Variants in DCDC2B observed in about 807,000 individuals in gnomAD.
DCDC2B encodes the protein doublecortin domain-containing protein 2B.
Under a neutral mutation model 38.9 loss-of-function variants are expected in DCDC2B, and 41 were observed. The ratio of observed to expected loss-of-function variants is 1.05; its 90% CI spans 0.82 to 1.37. The LOEUF is 1.37. Ranked by LOEUF, DCDC2B falls within the 40% of genes most tolerant of loss-of-function variation. The pLI, the probability that DCDC2B is intolerant of heterozygous loss-of-function variation, is 0.00. For synonymous variants in DCDC2B, 181 were observed against 171.9 expected, an observed-to-expected ratio of 1.05 and a Z score of -0.41; for missense variants, 453 against 427.2, an observed-to-expected ratio of 1.06 and a Z score of -0.53.
chr1:32,212,887 C>A lies in DCDC2B; in HGVS notation c.714+94C>A, dbSNP rs190561392. The A allele has an allele frequency of 9.4e-4, 1,333 of 1,410,888 alleles. 10 individuals carry two copies. The African/African-American group carries it at 0.017, about 19-fold the overall frequency. The allele number at this position is 1,410,888 out of a possible 1,614,324, so 87.4% of individuals were successfully genotyped here. On this transcript the variant is annotated intron_variant, in intron 6 of 8. Coordinates refer to ENST00000409358, the MANE Select transcript of DCDC2B (RefSeq NM_001099434.2). ...AGGCTCTGACCTTATTTCACTGCAT[C>A]CTCTCTTTTTTCTTTTTCTTTGAGA...
intron 6 of DCDC2B, 198 bp from the exon 7 acceptor site, chr1:32,214,599 C>A: frequency 3.1e-6 from 2 of 653,934 alleles, no homozygotes; most frequent in East Asian, 2.9e-5. Context: ...GAGTGCCAGG[C>A]ATCTACTGCT....
rs1377240664 is a variant in DCDC2B, at chr1:32,215,620, G to A, written c.954+77G>A. The A allele has an allele frequency of 5.8e-6, 8 of 1,367,692 alleles. No homozygotes were observed. The South Asian group carries it at 8.9e-5, about 15-fold the overall frequency. The allele number at this position is 1,367,692 out of a possible 1,614,324, so 84.7% of individuals were successfully genotyped here. A position where few individuals can be genotyped will look rare whatever the true frequency, so the allele number is the denominator to read the frequency against. On this transcript the variant is annotated intron_variant, in intron 8 of 8. Transcript: ENST00000409358. Reference sequence around the variant, plus strand: ...TGGAAACTGGCAGCCTTGGGCCCCAGGAACAGTTCTCCTCCCTTGTGATTG... The same window carrying A: ...TGGAAACTGGCAGCCTTGGGCCCCAAGAACAGTTCTCCTCCCTTGTGATTG...
chr1:32,209,090 C>T lies in DCDC2B; in HGVS notation c.-4C>T, dbSNP rs1643473747. 6.2e-7 allele frequency: 1 copy of T among 1,613,090 alleles called. No individual in the cohort carries two copies. The highest frequency in any genetic ancestry group is 1.3e-5 in the African/African-American group (1 of 74,922). On this transcript the variant is annotated 5_prime_UTR_variant, in exon 1 of 9. Coordinates refer to ENST00000409358, the MANE Select transcript of DCDC2B (RefSeq NM_001099434.2). ...AGGTCTGTTTCTCTGACTGAGGATA[C>T]ACTATGGCAGGTGGCAGTCCAGCAG...
At chr1:32,214,673 G>A (rs762267329) in intron 6 of DCDC2B, 124 bp from the exon 7 acceptor site, 121 of 1,400,732 alleles carry the variant, frequency 8.6e-5, no homozygotes, top group Non-Finnish European at 1.1e-4. Flanking sequence ...ACTTTGTGAA[G>A]ACAGACGGTG....
chr1:32,209,127 G>A lies in DCDC2B; in HGVS notation c.34G>A (p.Val12Met). 3.1e-6 allele frequency: 5 copies of A among 1,613,988 alleles called. No individual in the cohort carries two copies. Among genetic ancestry groups the A allele is most frequent in the Admixed American group, 1.7e-5 (1 of 60,024 alleles). Residue 12 changes from valine (V) to methionine (M), a missense_variant, in exon 1 of 9, where the codon GTG (valine) becomes ATG (methionine). Physicochemically the swap from Val to Met is conservative, Grantham distance 21. Coordinates refer to ENST00000409358, the MANE Select transcript of DCDC2B (RefSeq NM_001099434.2). The part of the protein sequence containing the change: ...AGGSPAAKRV[V>M]VYRNGDPFFP... Reference sequence around the variant, plus strand: ...TGGCAGTCCAGCAGCCAAGAGGGTAGTGGTGTACCGGAATGGGGACCCATT... The same window carrying A: ...TGGCAGTCCAGCAGCCAAGAGGGTAATGGTGTACCGGAATGGGGACCCATT...
At position 32,215,844 on chromosome 1, in the gene DCDC2B, C is replaced by G; in HGVS notation, c.997C>G (p.Gln333Glu). ...IVEEALSLEN[Q>E]PGAGAAISAS... The stretch of plus-strand genomic sequence containing the variant: ...GGAAGAGGCCTTGTCCCTGGAAAAC[C>G]AGCCTGGGGCTGGGGCTGCTATCTC... Residue 333 changes from glutamine (Q) to glutamate (E), a missense_variant, in exon 9 of 9, where the codon CAG (glutamine) becomes GAG (glutamate). Coordinates refer to ENST00000409358, the MANE Select transcript of DCDC2B (RefSeq NM_001099434.2). 6.4e-7 allele frequency: 1 copy of G among 1,553,176 alleles called. No individual in the cohort carries two copies. The highest frequency in any genetic ancestry group is 1.2e-5 in the South Asian group (1 of 84,128).
At position 32,210,325 on chromosome 1, in the gene DCDC2B, T is replaced by TAA. The variant is rs905848009; in HGVS notation, c.267-925_267-924dup. On this transcript the variant is annotated intron_variant, in intron 1 of 8. Transcript: ENST00000409358. The stretch of plus-strand genomic sequence containing the variant: ...TGGGCAATAAGAGTGAAACTCCATC[T>TAA]AAAAAAAAAAAAAAAAAAAAAAATC... Among the ~76,000 whole-genome samples the TAA allele has an allele frequency of 1.4e-3, 110 of 78,728 alleles. 2 individuals carry two copies. The highest frequency in any genetic ancestry group is 4.8e-3 in the South Asian group (11 of 2,274). 51.6% of individuals were successfully genotyped at this position (78,728 alleles called of 152,430 possible). A position where few individuals can be genotyped will look rare whatever the true frequency, so the allele number is the denominator to read the frequency against.
intron 3 of DCDC2B, 25 bp from the exon 4 acceptor site, chr1:32,212,045 C>T (rs1216620558): frequency 3.7e-6 from 6 of 1,605,108 alleles, no homozygotes; most frequent in Non-Finnish European, 4.3e-6. Flanking sequence ...GGGGACACTC[C>T]CCCTTACCAG....
At position 32,215,499 on chromosome 1, in the gene DCDC2B, G is replaced by A; in HGVS notation, c.910G>A (p.Val304Ile). 6 of 1,613,812 alleles carry A rather than the reference G, an allele frequency of 3.7e-6. No individual in the cohort carries two copies. The highest frequency in any genetic ancestry group is 5.1e-6 in the Non-Finnish European group (6 of 1,179,840). ...GAAGGAGACAGCGGGGGCCCTGGAA[G>A]TAGCAGATGATGAAGACACTCAGAC... The part of the protein sequence containing the change: ...RRKETAGALE[V>I]ADDEDTQTEE... Residue 304 changes from valine to isoleucine, a missense_variant, in exon 8 of 9, where the codon GTA (valine) becomes ATA (isoleucine). Coordinates refer to ENST00000409358, the MANE Select transcript of DCDC2B (RefSeq NM_001099434.2).
In DCDC2B at chr1:32,211,263, T is replaced by C. The variant is rs375619141; in HGVS notation, c.267-9T>C. 13 of 1,613,706 alleles carry C rather than the reference T, an allele frequency of 8.1e-6. No individual in the cohort carries two copies. The highest frequency in any genetic ancestry group is 9.3e-6 in the Non-Finnish European group (11 of 1,179,746). On this transcript the variant is annotated splice_polypyrimidine_tract_variant and intron_variant, in intron 1 of 8. Transcript: ENST00000409358. ...CACAAGATGACCTGTGATCTATCTG[T>C]CCTTTCAGCTATTTACCCCATAGAG...
chr1:32,213,499 G>A (rs1459629870), intron 6 of DCDC2B, among the ~76,000 whole-genome samples: 1 of 148,326 alleles, frequency 6.7e-6, no homozygotes, highest in Non-Finnish European at 1.5e-5. Flanking sequence ...ACCACACCCG[G>A]CTAATTTTTT....
chr1:32,214,312 C>T (rs1487003611), intron 6 of DCDC2B, among the ~76,000 whole-genome samples: 4 of 51,958 alleles, frequency 7.7e-5, no homozygotes, highest in Admixed American at 6.9e-4. Flanking sequence ...ACTCAAGTCT[C>T]AAAAAAAAAA....
chr1:32,211,510 C>A (rs1180758536), intron 2 of DCDC2B, among the ~76,000 whole-genome samples, 187 bp downstream of exon 2: 3 of 152,182 alleles, frequency 2.0e-5, no homozygotes, highest in African/African-American at 7.2e-5. Context: ...TCTGTCGCAG[C>A]CTTTAACTCC....
At position 32,215,520 on chromosome 1, in the gene DCDC2B, C is replaced by CA. The variant is rs1318088843; in HGVS notation, c.932dup (p.Thr312AspfsTer59). On this transcript the variant is annotated frameshift_variant, in exon 8 of 9. Transcript: ENST00000409358. LOFTEE classifies it low-confidence loss of function (END_TRUNC). Reference sequence around the variant, plus strand: ...GGAAGTAGCAGATGATGAAGACACTCAGACAGAGGAGCCCTTGGATCAGGT... The same window carrying CA: ...GGAAGTAGCAGATGATGAAGACACTCAAGACAGAGGAGCCCTTGGATCAGGT... The CA allele has an allele frequency of 6.2e-7, 1 of 1,613,704 alleles. No individual in the cohort carries two copies. The highest frequency in any genetic ancestry group is 1.1e-5 in the South Asian group (1 of 91,072).
At chr1:32,210,890 T>C (rs927433679) in intron 1 of DCDC2B, among the ~76,000 whole-genome samples, 4 of 152,114 alleles carry the variant, frequency 2.6e-5, no homozygotes, top group African/African-American at 9.6e-5. Context: ...AATTTTTTTG[T>C]TTTTTGGTAG....
chr1:32,209,501 A>G, intron 1 of DCDC2B, 142 bp downstream of exon 1: 4 of 1,227,498 alleles, frequency 3.3e-6, no homozygotes, highest in Non-Finnish European at 4.5e-6. Context: ...CCTCCATTAG[A>G]AAGGGAAAAC....
rs539594642 is a variant in DCDC2B, at chr1:32,210,082, C to T, written c.266+723C>T. ...ATGGCTCACACCTGTAATCCCGGCACTTTGGAAGGCCAAGGCGGGCAGATC... is the reference window on the plus strand; with the variant it reads ...ATGGCTCACACCTGTAATCCCGGCATTTTGGAAGGCCAAGGCGGGCAGATC... On this transcript the variant is annotated intron_variant, in intron 1 of 8. Coordinates refer to ENST00000409358, the MANE Select transcript of DCDC2B (RefSeq NM_001099434.2). Among the ~76,000 whole-genome samples, 56 of 152,272 alleles carry T rather than the reference C, an allele frequency of 3.7e-4. 1 individual carries two copies. The highest frequency in any genetic ancestry group is 3.4e-3 in the Middle Eastern group (1 of 294).
intron 5 of DCDC2B, 46 bp downstream of exon 5, chr1:32,212,682 C>A (rs755990773): frequency 2.9e-5 from 46 of 1,612,678 alleles, no homozygotes; most frequent in Non-Finnish European, 3.9e-5. Flanking sequence ...GCAGAGGAAG[C>A]CACCCTCTGG....
Position 32,212,202 on chromosome 1 carries a change from G to GT in DCDC2B, c.527+2dup. ...AGTTGCAGAGTGGGGCTGTGTGCAA[G>GT]TGAGTATGGGGACTGCGAGGGCCCA... is the stretch of plus-strand genomic sequence containing the variant. On this transcript the variant is annotated splice_donor_variant, in intron 4 of 8. Transcript: ENST00000409358. LOFTEE classifies it high-confidence loss of function. 1 of 1,612,884 alleles carries GT rather than the reference G, an allele frequency of 6.2e-7. No individual in the cohort carries two copies. The highest frequency in any genetic ancestry group is 8.5e-7 in the Non-Finnish European group (1 of 1,179,710).
Sources: allele counts gnomAD v4.1 joint callset (sites outside exome capture counted in the v4.1 genomes callset), GRCh38; gene constraint gnomAD v4.1.1; transcripts MANE v1.5; gene names NCBI Gene and HGNC (gene_info 2026-07-23, HGNC 2026-07-21).